Variants in MUC12 observed in about 807,000 individuals in gnomAD.
The protein encoded by MUC12 is mucin 12, cell surface associated, also known as mucin-12.
In MUC12, 172 loss-of-function variants were observed where a neutral mutation model predicts 230.8. That is an observed-to-expected ratio of 0.75 (90% CI 0.66 to 0.85). The LOEUF (loss-of-function observed/expected upper bound fraction) is 0.85. MUC12 is among the 40% of genes least tolerant of loss of function. The pLI, the probability that MUC12 is intolerant of heterozygous loss-of-function variation, is 0.00. For missense variants in MUC12, 3,506 were observed against 5,920.6 expected, an observed-to-expected ratio of 0.59 and a Z score of 13.38; for synonymous variants, 1,259 against 2,401.9, an observed-to-expected ratio of 0.52 and a Z score of 13.91.
chr7:100,985,964 C>T (rs1793181919), intron 1 of MUC12, among the ~76,000 whole-genome samples: 1 of 152,190 alleles, frequency 6.6e-6, no homozygotes, highest in Admixed American at 6.5e-5. Flanking sequence ...TCCACCTTGG[C>T]AGCCCCTGGA....
In MUC12 at chr7:101,018,768, A is replaced by T. The variant is rs993058608; in HGVS notation, c.*132A>T. ...CTGAAGCCGGTCCTGCTCTGAGCTG[A>T]CAGACTTGGCCAGTCCCCTGCCTGT... On this transcript the variant is annotated 3_prime_UTR_variant, in exon 12 of 12. Transcript: ENST00000536621. 5.9e-5 allele frequency: 55 copies of T among 932,442 alleles called. No individual in the cohort carries two copies. The highest frequency in any genetic ancestry group is 7.5e-5 in the Non-Finnish European group (49 of 650,190). The allele number at this position is 932,442 out of a possible 1,614,324, so 57.8% of individuals were successfully genotyped here.
chr7:100,977,990 C>A (rs1793057880), intron 1 of MUC12, among the ~76,000 whole-genome samples: 1 of 152,272 alleles, frequency 6.6e-6, no homozygotes, highest in East Asian at 1.9e-4. Flanking sequence ...TTTTCTCTGA[C>A]AAGTATGCAG....
At chr7:100,989,466 T>C (rs1017263377) in intron 1 of MUC12, among the ~76,000 whole-genome samples, 7 of 151,834 alleles carry the variant, frequency 4.6e-5, no homozygotes, top group African/African-American at 7.3e-5. Context: ...AACCAGACAA[T>C]ATAAGGTCTG....
intron 5 of MUC12, among the ~76,000 whole-genome samples, chr7:101,011,455 C>G (rs2116356467): frequency 6.6e-6 from 1 of 152,234 alleles, no homozygotes; most frequent in African/African-American, 2.4e-5. Context: ...AAAATGGGGT[C>G]TTGCTCTGTT....
Position 101,004,581 on chromosome 7 carries a change from G to A in MUC12, c.14018G>A (p.Ser4673Asn). Residue 4673 changes from serine (S) to asparagine (N), a missense_variant, in exon 2 of 12, where the codon AGC (serine) becomes AAC (asparagine). Ser to Asn is a conservative substitution (Grantham distance 46, BLOSUM62 1). Coordinates refer to ENST00000536621, the MANE Select transcript of MUC12 (RefSeq NM_001164462.2). ...ATTGCAACAACACACTTTCCTGAGA[G>A]CTCCACAACCTCCGGCCGTAGTGAG... ...GSIATTHFPESSTTSGRSEES... is the reference protein window; with the variant it reads ...GSIATTHFPENSTTSGRSEES... 3 of 1,537,282 alleles carry A rather than the reference G, an allele frequency of 2.0e-6. No individual in the cohort carries two copies. The highest frequency in any genetic ancestry group is 2.6e-6 in the Non-Finnish European group (3 of 1,146,760).
rs1793851423 is a variant in MUC12 at position 101,012,381 on chromosome 7, G to C, written c.15337G>C (p.Glu5113Gln). The change falls in exon 6 of 12, where the codon GAG becomes CAG. Residue 5113 changes from glutamate to glutamine, a missense_variant. Transcript: ENST00000536621. ...TGAGGAACTGTTTGAAAACCTGGCA[G>C]AGATTGTAAAGGCCAAGATTATGAA... ...EYEELFENLA[E>Q]IVKAKIMNET... 6.5e-7 allele frequency: 1 copy of C among 1,537,628 alleles called. No individual in the cohort carries two copies. The highest frequency in any genetic ancestry group is 8.7e-7 in the Non-Finnish European group (1 of 1,147,034).
chr7:101,017,487 CTCTT>C, intron 10 of MUC12, 84 bp from the exon 11 acceptor site: 1 of 829,230 alleles, frequency 1.2e-6, no homozygotes, highest in Non-Finnish European at 1.9e-6. Context: ...GCCGGGCTGA[CTCTT>C]CCTTTTGCCA....
rs1479787738 is a variant in MUC12 at position 101,006,495 on chromosome 7, G to A, written c.14981G>A (p.Trp4994Ter). ...APGLCQEGQI[W>*]NGKQCVCPQG... ...GGGTTGTGCCAGGAAGGACAAATTT[G>A]GAATGGAAAACAATGCGTCTGTCCC... is the stretch of plus-strand genomic sequence containing the variant. The change falls in exon 3 of 12, where the codon TGG (tryptophan) becomes TAG (stop). Residue 4994 changes from tryptophan (W) to a stop codon, truncating the protein, a stop_gained. Transcript: ENST00000536621. LOFTEE classifies it high-confidence loss of function. 8 of 1,537,028 alleles carry A rather than the reference G, an allele frequency of 5.2e-6. No individual in the cohort carries two copies. The Admixed American group carries it at 5.9e-5, about 11-fold the overall frequency.
At chr7:101,008,567 T>C (rs1342567629) in intron 3 of MUC12, 67 bp from the exon 4 acceptor site, 3 of 1,484,734 alleles carry the variant, frequency 2.0e-6, no homozygotes, top group Non-Finnish European at 2.7e-6. Context: ...AGGCAGAGAA[T>C]GTATCAATCC....
At chr7:101,006,279 T>C (rs1300162848) in intron 2 of MUC12, among the ~76,000 whole-genome samples, 192 bp from the exon 3 acceptor site, 2 of 152,180 alleles carry the variant, frequency 1.3e-5, no homozygotes, top group Non-Finnish European at 2.9e-5. Context: ...CCTTACTCTC[T>C]GCTGTTCCTC....
intron 1 of MUC12, among the ~76,000 whole-genome samples, chr7:100,977,225 A>C (rs970391519): frequency 1.3e-5 from 2 of 152,066 alleles, no homozygotes; most frequent in Non-Finnish European, 1.5e-5. Context: ...TGCCACAATA[A>C]ATTAACAAAC....
In MUC12 at chr7:100,995,437, C is replaced by A. The variant is rs1380669472; in HGVS notation, c.4874C>A (p.Ala1625Glu). ...ACATTGTCCCCTGGCAGTACCACAG[C>A]ATCATCCCTTGGTCCAGAATCTACT... ...DTTLSPGSTT[A>E]SSLGPESTTF... is the part of the protein sequence containing the mutation. The change falls in exon 2 of 12, where the codon GCA (alanine) becomes GAA (glutamate). Residue 1625 changes from alanine to glutamate, a missense_variant. Coordinates refer to ENST00000536621, the MANE Select transcript of MUC12 (RefSeq NM_001164462.2). The A allele has an allele frequency of 6.5e-7, 1 of 1,533,542 alleles. No homozygotes were observed. Among genetic ancestry groups the A allele is most frequent in the African/African-American group, 1.4e-5 (1 of 71,412 alleles). 95.0% of individuals were successfully genotyped at this position (1,533,542 alleles called of 1,614,324 possible).
rs536550634 is a variant in MUC12 at position 101,008,627 on chromosome 7, C to T, written c.15059-7C>T. 1 of 1,536,732 alleles carries T rather than the reference C, an allele frequency of 6.5e-7. No individual in the cohort carries two copies. Among genetic ancestry groups the T allele is most frequent in the African/African-American group, 1.4e-5 (1 of 73,146 alleles). ...TGTCTCACGCATACCATGGCCTTTT[C>T]CCACAGAAACCCCGGAAAAACTCAA... On this transcript the variant is annotated splice_polypyrimidine_tract_variant and splice_region_variant and intron_variant, in intron 3 of 11. Transcript: ENST00000536621.
chr7:100,992,979 G>T lies in MUC12; in HGVS notation c.2416G>T (p.Glu806Ter), dbSNP rs1395743621. The T allele has an allele frequency of 1.3e-6, 2 of 1,537,208 alleles. No homozygotes were observed. Among genetic ancestry groups the T allele is most frequent in the Admixed American group, 2.0e-5 (1 of 50,934 alleles). ...TTSPISSGSM[E>*]TTALPGSTTT... ...CTCACCCATCAGTTCAGGCTCAATG[G>T]AAACGACAGCGTTACCCGGCAGTAC... Residue 806 changes from glutamate to a stop codon, truncating the protein, a stop_gained, in exon 2 of 12, where the codon GAA becomes TAA. Coordinates refer to ENST00000536621, the MANE Select transcript of MUC12 (RefSeq NM_001164462.2). LOFTEE classifies it high-confidence loss of function.
At chr7:100,982,378 TC>T (rs1231177675) in intron 1 of MUC12, among the ~76,000 whole-genome samples, 2 of 151,938 alleles carry the variant, frequency 1.3e-5, no homozygotes, top group African/African-American at 4.8e-5. Flanking sequence ...CTTCCCTTTC[TC>T]CTCTTTATTC....
At chr7:101,005,938 C>T (rs187679139) in intron 2 of MUC12, among the ~76,000 whole-genome samples, 1 of 152,184 alleles carries the variant, frequency 6.6e-6, no homozygotes, top group African/African-American at 2.4e-5. Context: ...GCTTGGATTA[C>T]AGGTGCCCAC....
At chr7:100,983,861 T>G (rs1041355686) in intron 1 of MUC12, among the ~76,000 whole-genome samples, 10 of 152,278 alleles carry the variant, frequency 6.6e-5, no homozygotes, top group African/African-American at 2.4e-4. Context: ...CCAGTAAAAT[T>G]TATGAGTAAA....
intron 1 of MUC12, among the ~76,000 whole-genome samples, chr7:100,982,008 A>G (rs775146003): frequency 4.4e-4 from 67 of 151,912 alleles, no homozygotes; most frequent in Non-Finnish European, 8.7e-4. Flanking sequence ...CTGGGACTAC[A>G]GGTGCCCGCC....
intron 9 of MUC12, 182 bp downstream of exon 9, chr7:101,014,256 G>A (rs1182246721): frequency 7.2e-6 from 4 of 558,832 alleles, no homozygotes; most frequent in African/African-American, 3.8e-5. Context: ...CTTCCTGTAG[G>A]ATACATCAAT....
Sources: allele counts gnomAD v4.1 joint callset (sites outside exome capture counted in the v4.1 genomes callset), GRCh38; gene constraint gnomAD v4.1.1; transcripts MANE v1.5; gene names NCBI Gene and HGNC (gene_info 2026-07-23, HGNC 2026-07-21).